WDR41: variants seen among roughly 807,000 people sequenced by gnomAD.
The protein encoded by WDR41 is WD repeat-containing protein 41.
In WDR41, 63 loss-of-function variants were observed where a neutral mutation model predicts 69.3. That is an observed-to-expected ratio of 0.91 (90% CI 0.74 to 1.12). The LOEUF (loss-of-function observed/expected upper bound fraction) is 1.12, where lower values mean the gene tolerates loss of function less well. Among genes scored for constraint, WDR41 ranks in the 50% most tolerant of loss-of-function variants. The pLI is 0.00. For synonymous variants in WDR41, 185 were observed against 192.1 expected, an observed-to-expected ratio of 0.96 and a Z score of 0.31; for missense variants, 543 against 534.5, an observed-to-expected ratio of 1.02 and a Z score of -0.16.
upstream of WDR41, chr5:77,492,467 G>T (rs1801854575): frequency 6.8e-6 from 3 of 440,852 alleles, no homozygotes; most frequent in Admixed American, 1.3e-4. Flanking sequence ...GCCGACGGCG[G>T]GGGCGGCTGC....
At chr5:77,552,257 C>T (rs191928094) in intron 1 of WDR41, among the ~76,000 whole-genome samples, 13 of 151,800 alleles carry the variant, frequency 8.6e-5, no homozygotes, top group African/African-American at 2.4e-4. Flanking sequence ...AGTGAACATG[C>T]GGAAGCTGAC....
chr5:77,554,886 AGGTG>A (rs1350342742), intron 1 of WDR41, among the ~76,000 whole-genome samples: 1 of 152,010 alleles, frequency 6.6e-6, no homozygotes, highest in African/African-American at 2.4e-5. Flanking sequence ...TGGGAGGCTG[AGGTG>A]GGTGGATCAC....
intron 1 of WDR41, chr5:77,582,382 G>A: frequency 1.2e-6 from 2 of 1,609,192 alleles, no homozygotes; most frequent in East Asian, 2.2e-5. Context: ...AACCATGGAG[G>A]GTGTAGAAGA....
intron 1 of WDR41, among the ~76,000 whole-genome samples, chr5:77,542,633 G>A (rs1219735980): frequency 6.6e-6 from 1 of 152,126 alleles, no homozygotes; most frequent in African/African-American, 2.4e-5. Flanking sequence ...GCCAGGAGTG[G>A]TATGATTAGA....
intron 2 of WDR41, among the ~76,000 whole-genome samples, chr5:77,467,810 T>C (rs1201469498): frequency 1.3e-5 from 2 of 152,024 alleles, no homozygotes; most frequent in Non-Finnish European, 2.9e-5. Context: ...TTATCATAAT[T>C]AATGTAAATA....
intron 5 of WDR41, among the ~76,000 whole-genome samples, chr5:77,455,934 T>C (rs1799812357): frequency 6.6e-6 from 1 of 151,770 alleles, no homozygotes; most frequent in African/African-American, 2.4e-5. Flanking sequence ...TCTGGGTCCC[T>C]TGCACTCCCA....
intron 1 of WDR41, among the ~76,000 whole-genome samples, chr5:77,554,742 G>A (rs1743360405): frequency 6.6e-6 from 1 of 151,282 alleles, no homozygotes; most frequent in African/African-American, 2.5e-5. Flanking sequence ...GTTATAAAGA[G>A]CAACAGGAAG....
intron 1 of WDR41, among the ~76,000 whole-genome samples, chr5:77,589,721 TTGTATC>T (rs1476594231): frequency 1.1e-4 from 17 of 152,294 alleles, no homozygotes; most frequent in African/African-American, 4.1e-4. Flanking sequence ...AATTTTAACA[TTGTATC>T]TGTACTTCTA....
At chr5:77,519,201 A>G (rs1055541704) in intron 1 of WDR41, among the ~76,000 whole-genome samples, 1 of 152,032 alleles carries the variant, frequency 6.6e-6, no homozygotes, top group Non-Finnish European at 1.5e-5. Context: ...ATATTCAGTA[A>G]AATAAACTTG....
rs970275617 is a variant in WDR41 at position 77,578,208 on chromosome 5, C to G, written c.42+42271G>C. On this transcript the variant is annotated intron_variant, in intron 1 of 5. Transcript: ENST00000509971. ...ATTTGGATATATTTGCAGAGCAATA[C>G]GTACCCCCAGGGATTTGGAGAAAAC... 1.3e-5 allele frequency among the ~76,000 whole-genome samples: 2 copies of G among 152,060 alleles called. 1 individual carries two copies. Among genetic ancestry groups the G allele is most frequent in the East Asian group, 3.9e-4 (2 of 5,194 alleles).
intron 1 of WDR41, among the ~76,000 whole-genome samples, chr5:77,557,798 G>A (rs569745602): frequency 1.3e-5 from 2 of 152,158 alleles, no homozygotes; most frequent in East Asian, 1.9e-4. Flanking sequence ...CAGCCCAAAT[G>A]TTTACCAACA....
At chr5:77,585,839 G>A (rs1424168373) in intron 1 of WDR41, among the ~76,000 whole-genome samples, 1 of 152,082 alleles carries the variant, frequency 6.6e-6, no homozygotes, top group Non-Finnish European at 1.5e-5. Flanking sequence ...AAGGGAGGAG[G>A]GCGAGGGATA....
At chr5:77,492,087 C>G in intron 1 of WDR41, 83 bp downstream of exon 1, 1 of 1,533,026 alleles carries the variant, frequency 6.5e-7, no homozygotes, top group Non-Finnish European at 8.9e-7. Context: ...TCCCCGCGGT[C>G]GGAACCCAGG....
intron 1 of WDR41, among the ~76,000 whole-genome samples, chr5:77,516,686 G>A (rs1304052399): frequency 6.6e-6 from 1 of 152,222 alleles, no homozygotes; most frequent in Non-Finnish European, 1.5e-5. Flanking sequence ...ATGAAGGGAT[G>A]AAAAGAAGAG....
chr5:77,607,768 T>C (rs1010612211), intron 1 of WDR41, among the ~76,000 whole-genome samples: 1 of 152,238 alleles, frequency 6.6e-6, no homozygotes, highest in African/African-American at 2.4e-5. Context: ...TTAAAGTATA[T>C]GCTTATCTTT....
At chr5:77,581,403 T>C (rs1743937247) in intron 1 of WDR41, among the ~76,000 whole-genome samples, 1 of 152,226 alleles carries the variant, frequency 6.6e-6, no homozygotes, top group Non-Finnish European at 1.5e-5. Flanking sequence ...TCAACAATTA[T>C]AACTGGAGGT....
At chr5:77,435,689 C>T (rs2151283839) in intron 12 of WDR41, among the ~76,000 whole-genome samples, 1 of 152,284 alleles carries the variant, frequency 6.6e-6, no homozygotes, top group East Asian at 1.9e-4. Context: ...TATTCCTTCA[C>T]TACAGGCAAT....
chr5:77,594,538 A>C (rs980614204), intron 1 of WDR41, among the ~76,000 whole-genome samples: 3 of 152,220 alleles, frequency 2.0e-5, no homozygotes, highest in Admixed American at 2.0e-4. Context: ...ACAATGGTAT[A>C]CAGAATTTAT....
chr5:77,522,609 T>C (rs941350194), intron 1 of WDR41, among the ~76,000 whole-genome samples: 2 of 151,592 alleles, frequency 1.3e-5, no homozygotes, highest in African/African-American at 4.9e-5. Flanking sequence ...CACTGCACTC[T>C]AGCCTGGCAA....
Sources: allele counts gnomAD v4.1 joint callset (sites outside exome capture counted in the v4.1 genomes callset), GRCh38; gene constraint gnomAD v4.1.1; transcripts MANE v1.5; gene names NCBI Gene and HGNC (gene_info 2026-07-23, HGNC 2026-07-21).